The following SLC2A13 variants were observed in gnomAD, a reference collection of about 807,000 sequenced individuals.
The protein encoded by SLC2A13 is solute carrier family 2 member 13, also known as proton myo-inositol cotransporter.
In SLC2A13, 32 loss-of-function variants were observed where a neutral mutation model predicts 64.4. The observed-to-expected ratio is 0.50, with a 90% CI of 0.37 to 0.67. SLC2A13 has a LOEUF of 0.67. Ranked by LOEUF, SLC2A13 falls within the 30% of genes least tolerant of loss-of-function variation. The pLI is 0.00. For missense variants in SLC2A13, 743 were observed against 829.2 expected, an observed-to-expected ratio of 0.90 and a Z score of 1.28; for synonymous variants, 338 against 327.1, an observed-to-expected ratio of 1.03 and a Z score of -0.36.
At chr12:39,846,738 C>T (rs1348137053) in intron 6 of SLC2A13, among the ~76,000 whole-genome samples, 1 of 152,144 alleles carries the variant, frequency 6.6e-6, no homozygotes, top group East Asian at 1.9e-4. Flanking sequence ...AGGCATGAGC[C>T]ACAATGCCCA....
At chr12:39,793,112 G>A (rs541549988) in intron 7 of SLC2A13, among the ~76,000 whole-genome samples, 30 of 152,130 alleles carry the variant, frequency 2.0e-4, no homozygotes, top group African/African-American at 7.0e-4. Flanking sequence ...AAATCTAATG[G>A]AATCAACAAA....
chr12:39,839,951 C>G (rs1157776041), intron 6 of SLC2A13, among the ~76,000 whole-genome samples: 1 of 152,074 alleles, frequency 6.6e-6, no homozygotes, highest in Non-Finnish European at 1.5e-5. Flanking sequence ...GATTGCAGAA[C>G]ATTCATATTT....
intron 3 of SLC2A13, among the ~76,000 whole-genome samples, chr12:39,965,592 T>C (rs938283139): frequency 2.6e-5 from 4 of 152,164 alleles, no homozygotes; most frequent in Admixed American, 1.3e-4. Context: ...TGTCTACTTA[T>C]ATATCCAGTG....
intron 2 of SLC2A13, among the ~76,000 whole-genome samples, chr12:40,042,792 T>C (rs187400832): frequency 8.1e-4 from 123 of 152,102 alleles, no homozygotes; most frequent in Non-Finnish European, 1.5e-3. Flanking sequence ...AGTAGTTGAA[T>C]ATAATATGGT....
At chr12:39,992,458 C>A (rs189732725) in intron 3 of SLC2A13, among the ~76,000 whole-genome samples, 1 of 152,102 alleles carries the variant, frequency 6.6e-6, no homozygotes, top group Non-Finnish European at 1.5e-5. Context: ...TACCACTCTA[C>A]CTTTTACAGC....
chr12:39,911,493 G>C (rs1421770112), intron 4 of SLC2A13, among the ~76,000 whole-genome samples: 1 of 151,940 alleles, frequency 6.6e-6, no homozygotes, highest in Non-Finnish European at 1.5e-5. Context: ...GAGAACAAAA[G>C]AAAAAAAGTG....
chr12:39,849,171 A>G (rs1280203934), intron 6 of SLC2A13, among the ~76,000 whole-genome samples: 1 of 152,118 alleles, frequency 6.6e-6, no homozygotes, highest in Non-Finnish European at 1.5e-5. Flanking sequence ...AAAACCTAAA[A>G]TAAAGATTTA....
chr12:39,985,518 A>G (rs1174642710), intron 3 of SLC2A13, among the ~76,000 whole-genome samples: 2 of 152,154 alleles, frequency 1.3e-5, no homozygotes, highest in Admixed American at 1.3e-4. Context: ...TGAAAGGTAT[A>G]AAAGTGTTCC....
intron 9 of SLC2A13, among the ~76,000 whole-genome samples, chr12:39,762,011 T>C (rs1940170873): frequency 6.6e-6 from 1 of 152,120 alleles, no homozygotes; most frequent in Non-Finnish European, 1.5e-5. Flanking sequence ...TACAGATTCT[T>C]TCTTGTGACC....
intron 1 of SLC2A13, among the ~76,000 whole-genome samples, chr12:40,066,739 T>C (rs2136261556): frequency 6.6e-6 from 1 of 152,302 alleles, no homozygotes; most frequent in Middle Eastern, 3.4e-3. Flanking sequence ...GGCGGAAGAT[T>C]GCTTTGGGTT....
At chr12:39,901,920 T>C (rs916034691) in intron 4 of SLC2A13, among the ~76,000 whole-genome samples, 2 of 151,904 alleles carry the variant, frequency 1.3e-5, no homozygotes, top group African/African-American at 2.4e-5. Context: ...TTATTCCCAA[T>C]AGCAAAGACT....
Position 40,106,069 on chromosome 12 carries a change from C to G in SLC2A13, c.-261G>C, listed in dbSNP as rs1592088413. ...ACGCCCCGCGCCTGCCGAGCTGGCG[C>G]TGCGGAGCGGGCGGGAGGCGGGACC... On this transcript the variant is annotated 5_prime_UTR_variant, in exon 1 of 10. Transcript: ENST00000280871. The G allele has an allele frequency of 3.0e-6, 1 of 338,180 alleles. No individual in the cohort carries two copies. Among genetic ancestry groups the G allele is most frequent in the East Asian group, 4.9e-5 (1 of 20,610 alleles). The allele number at this position is 338,180 out of a possible 1,614,324, so 20.9% of individuals were successfully genotyped here. A position where few individuals can be genotyped will look rare whatever the true frequency, so the allele number is the denominator to read the frequency against.
At chr12:40,023,146 T>A (rs1201096396) in intron 3 of SLC2A13, among the ~76,000 whole-genome samples, 1 of 152,250 alleles carries the variant, frequency 6.6e-6, no homozygotes, top group Admixed American at 6.5e-5. Context: ...GCAGTGGTTC[T>A]AACACCACCA....
At chr12:39,846,677 C>T (rs1007784936) in intron 6 of SLC2A13, among the ~76,000 whole-genome samples, 2 of 152,114 alleles carry the variant, frequency 1.3e-5, no homozygotes, top group Admixed American at 1.3e-4. Context: ...CTCTTGAACT[C>T]CTAGGCTCAA....
chr12:39,973,238 A>T (rs568879347), intron 3 of SLC2A13, among the ~76,000 whole-genome samples: 1 of 152,206 alleles, frequency 6.6e-6, no homozygotes, highest in African/African-American at 2.4e-5. Context: ...AGTCTCTGCT[A>T]TCTCACCTAA....
intron 4 of SLC2A13, among the ~76,000 whole-genome samples, chr12:39,877,542 GT>G (rs1170657918): frequency 6.6e-6 from 1 of 152,144 alleles, no homozygotes; most frequent in Non-Finnish European, 1.5e-5. Flanking sequence ...TTAAATGTTA[GT>G]TCCAGAAAAA....
At chr12:40,007,956 GA>G (rs1947454166) in intron 3 of SLC2A13, among the ~76,000 whole-genome samples, 1 of 152,074 alleles carries the variant, frequency 6.6e-6, no homozygotes, top group Non-Finnish European at 1.5e-5. Flanking sequence ...GGTTTTACGG[GA>G]AAACCCAGAT....
chr12:39,785,393 G>A (rs1295003801), intron 7 of SLC2A13, among the ~76,000 whole-genome samples: 2 of 152,232 alleles, frequency 1.3e-5, no homozygotes, highest in East Asian at 3.8e-4. Flanking sequence ...TGGGTGCACA[G>A]AAGTCAAGAA....
intron 4 of SLC2A13, among the ~76,000 whole-genome samples, chr12:39,887,809 A>T (rs1944507187): frequency 6.6e-6 from 1 of 152,174 alleles, no homozygotes; most frequent in South Asian, 2.1e-4. Flanking sequence ...CTGATGTAGT[A>T]TATGTTTATT....
Sources: gnomAD v4.1 joint callset for allele counts (sites outside exome capture counted in the v4.1 genomes callset) on GRCh38, gnomAD v4.1.1 for gene constraint, MANE v1.5 for transcripts, NCBI Gene and HGNC (gene_info 2026-07-23, HGNC 2026-07-21) for gene names.